Variants in ZNF608 observed in about 807,000 individuals in gnomAD.
ZNF608 encodes renal carcinoma antigen NY-REN-36.
ZNF608 carries 12 observed loss-of-function variants against 109.0 expected under a neutral mutation model. The ratio of observed to expected loss-of-function variants is 0.11; its 90% CI spans 0.07 to 0.18. ZNF608 has a LOEUF of 0.18. Among genes scored for constraint, ZNF608 ranks in the 10% least tolerant of loss-of-function variants. The probability of loss-of-function intolerance (pLI) is 1.00; values close to 1 mark genes in which losing one functional copy is unlikely to be tolerated. For missense variants in ZNF608, 1,707 were observed against 1,879.3 expected (o/e 0.91, Z 1.70); for synonymous variants, 732 against 717.4 (o/e 1.02, Z -0.33).
In ZNF608 at chr5:124,692,171, A is replaced by G. The variant is rs149330181; in HGVS notation, c.1162+8843T>C. ...ACAAGGTTGGAAGCTGAAATATAAT[A>G]AAATGTAATGAGATTTTATAATGGA... On this transcript the variant is annotated intron_variant, in intron 3 of 9. Transcript: ENST00000513986. Among the ~76,000 whole-genome samples the G allele has an allele frequency of 2.9e-3, 441 of 152,356 alleles. 3 individuals carry two copies. The highest frequency in any genetic ancestry group is 4.2e-3 in the Non-Finnish European group (283 of 68,038).
At chr5:124,678,866 G>A (rs893227729) in intron 3 of ZNF608, among the ~76,000 whole-genome samples, 1 of 152,124 alleles carries the variant, frequency 6.6e-6, no homozygotes, top group Non-Finnish European at 1.5e-5. Context: ...ACACCATTAA[G>A]TCAGAAAAGT....
chr5:124,677,229 C>G (rs1751982258), intron 3 of ZNF608, among the ~76,000 whole-genome samples: 1 of 152,158 alleles, frequency 6.6e-6, no homozygotes, highest in Non-Finnish European at 1.5e-5. Context: ...TCCTTTCTTG[C>G]ATTTATTCAA....
At chr5:124,703,416 G>A (rs1200243564) in intron 2 of ZNF608, among the ~76,000 whole-genome samples, 1 of 152,090 alleles carries the variant, frequency 6.6e-6, no homozygotes, top group East Asian at 1.9e-4. Context: ...ATATTAACTA[G>A]CTTATGACCC....
chr5:124,659,199 C>A (rs927071547), intron 3 of ZNF608, among the ~76,000 whole-genome samples: 1 of 151,674 alleles, frequency 6.6e-6, no homozygotes, highest in Admixed American at 6.6e-5. Context: ...AAGCTCTCCA[C>A]GATGCCATTA....
At chr5:124,702,432 T>TCATAGATTCCTAGTTATC (rs11274163) in intron 2 of ZNF608, among the ~76,000 whole-genome samples, 15 of 151,844 alleles carry the variant, frequency 9.9e-5, no homozygotes, top group Non-Finnish European at 1.5e-5. Context: ...ATTCTGCTGT[T>TCATAGATTCCTAGTTATC]CACTGTAAGT....
In ZNF608 at chr5:124,637,898, T is replaced by C; in HGVS notation, c.*2A>G. On this transcript the variant is annotated 3_prime_UTR_variant, in exon 10 of 10. Coordinates refer to ENST00000513986, the MANE Select transcript of ZNF608 (RefSeq NM_020747.3). ...ACATGACAATGTACATGTCCAATCT[T>C]GTTATTCTCTGCAAAAGAAAAGCAA... 2.5e-6 allele frequency: 4 copies of C among 1,611,610 alleles called. No homozygotes were observed. The highest frequency in any genetic ancestry group is 3.4e-6 in the Non-Finnish European group (4 of 1,178,988).
At chr5:124,671,370 G>A (rs1002258618) in intron 3 of ZNF608, among the ~76,000 whole-genome samples, 12 of 151,994 alleles carry the variant, frequency 7.9e-5, no homozygotes, top group Non-Finnish European at 1.5e-4. Flanking sequence ...TGCCACCTGG[G>A]GTTTTAAATA....
At chr5:124,690,988 C>T (rs1752602793) in intron 3 of ZNF608, among the ~76,000 whole-genome samples, 1 of 150,532 alleles carries the variant, frequency 6.6e-6, no homozygotes, top group African/African-American at 2.5e-5. Context: ...TTTTACACAA[C>T]TTTTTTTACA....
intron 2 of ZNF608, among the ~76,000 whole-genome samples, chr5:124,706,915 GA>G (rs1665898725): frequency 6.6e-6 from 1 of 152,192 alleles, no homozygotes; most frequent in African/African-American, 2.4e-5. Context: ...AAGAGCATGG[GA>G]GGGGGAGCAG....
intron 3 of ZNF608, among the ~76,000 whole-genome samples, chr5:124,650,848 T>C (rs1394772359): frequency 1.3e-5 from 2 of 152,226 alleles, no homozygotes; most frequent in African/African-American, 2.4e-5. Context: ...CCATTGCCAT[T>C]GTGAATTTTA....
chr5:124,696,219 G>C (rs562969223), intron 3 of ZNF608, among the ~76,000 whole-genome samples: 1 of 151,660 alleles, frequency 6.6e-6, no homozygotes, highest in African/African-American at 2.4e-5. Context: ...GAGAGAGAGA[G>C]AATCATTTCT....
rs115313662 is a variant in ZNF608, at chr5:124,709,911, G to T, written c.907-8642C>A. On this transcript the variant is annotated intron_variant, in intron 2 of 9. Coordinates refer to ENST00000513986, the MANE Select transcript of ZNF608 (RefSeq NM_020747.3). Reference sequence around the variant, plus strand: ...TTGTACAAAGCTGAATTCCTGAAAAGTTCCATGCAAATTCCATTTCTATCA... The same window carrying T: ...TTGTACAAAGCTGAATTCCTGAAAATTTCCATGCAAATTCCATTTCTATCA... 8.3e-3 allele frequency among the ~76,000 whole-genome samples: 1,271 copies of T among 152,298 alleles called. 25 individuals are homozygous for T. The highest frequency in any genetic ancestry group is 0.029 in the African/African-American group (1,209 of 41,570).
rs1156276798 is a variant in ZNF608 at position 124,709,170 on chromosome 5, C to CAAAAA, written c.907-7906_907-7902dup. ...TGGGCAACAGAGAGAGACTCTGTCTCAAAAAAAAAAAAAAAAAAAAAAAAA... is the reference window on the plus strand; with the variant it reads ...TGGGCAACAGAGAGAGACTCTGTCTCAAAAAAAAAAAAAAAAAAAAAAAAAAAAAA... On this transcript the variant is annotated intron_variant, in intron 2 of 9. Coordinates refer to ENST00000513986, the MANE Select transcript of ZNF608 (RefSeq NM_020747.3). Among the ~76,000 whole-genome samples, 158 of 32,710 alleles carry CAAAAA rather than the reference C, an allele frequency of 4.8e-3. 18 individuals carry two copies. Among genetic ancestry groups the CAAAAA allele is most frequent in the African/African-American group, 0.017 (146 of 8,452 alleles). The allele number at this position is 32,710 out of a possible 152,430, so 21.5% of individuals were successfully genotyped here. A position where few individuals can be genotyped will look rare whatever the true frequency, so the allele number is the denominator to read the frequency against.
intron 2 of ZNF608, among the ~76,000 whole-genome samples, chr5:124,736,152 T>G (rs965174465): frequency 2.6e-5 from 4 of 152,242 alleles, no homozygotes; most frequent in Non-Finnish European, 5.9e-5. Context: ...CAGCTCTAAT[T>G]TCATTTCCAT....
chr5:124,681,282 G>A (rs7702310), intron 3 of ZNF608, among the ~76,000 whole-genome samples: 21,309 of 151,950 alleles, frequency 0.14, 1,632 homozygotes, highest in Non-Finnish European at 0.17. Context: ...GTGAAACCCC[G>A]TCTCTAATAA....
chr5:124,684,367 C>T (rs781190702), intron 3 of ZNF608, among the ~76,000 whole-genome samples: 11 of 152,150 alleles, frequency 7.2e-5, no homozygotes, highest in Non-Finnish European at 1.3e-4. Flanking sequence ...GAAAGTGAAG[C>T]CAGAGCCAAG....
intron 3 of ZNF608, among the ~76,000 whole-genome samples, chr5:124,675,474 T>A (rs559084508): frequency 1.3e-5 from 2 of 152,242 alleles, no homozygotes; most frequent in Non-Finnish European, 2.9e-5. Context: ...TAGGCTAGTA[T>A]GGCCAGTGGC....
At chr5:124,711,050 G>T (rs1466527521) in intron 2 of ZNF608, among the ~76,000 whole-genome samples, 1 of 152,152 alleles carries the variant, frequency 6.6e-6, no homozygotes. Context: ...AAAAACAAGA[G>T]GCCACAGCCT....
At chr5:124,693,779 CG>C (rs1752711565) in intron 3 of ZNF608, among the ~76,000 whole-genome samples, 1 of 152,004 alleles carries the variant, frequency 6.6e-6, no homozygotes, top group Admixed American at 6.6e-5. Flanking sequence ...ATTCCCTCAT[CG>C]GGAAAGCATA....
Sources: gnomAD v4.1 joint callset for allele counts (sites outside exome capture counted in the v4.1 genomes callset) on GRCh38, gnomAD v4.1.1 for gene constraint, MANE v1.5 for transcripts, NCBI Gene and HGNC (gene_info 2026-07-23, HGNC 2026-07-21) for gene names.